GSTCD: variants seen among roughly 807,000 people sequenced by gnomAD.
GSTCD encodes the protein glutathione S-transferase C-terminal domain-containing protein.
In GSTCD, 44 loss-of-function variants were observed where a neutral mutation model predicts 68.3. That is an observed-to-expected ratio of 0.64 (90% CI 0.51 to 0.83). The LOEUF is 0.83. Among genes scored for constraint, GSTCD ranks in the 40% least tolerant of loss-of-function variants. GSTCD has a pLI of 0.00. For synonymous variants in GSTCD, 273 were observed against 255.2 expected, an observed-to-expected ratio of 1.07 and a Z score of -0.67; for missense variants, 739 against 735.9, an observed-to-expected ratio of 1.00 and a Z score of -0.05.
chr4:105,822,656 TC>T lies in GSTCD; in HGVS notation c.1241-296del, dbSNP rs1326884124. Among the ~76,000 whole-genome samples, 8 of 152,116 alleles carry T rather than the reference TC, an allele frequency of 5.3e-5. No homozygotes were observed. In the South Asian group the frequency reaches 1.4e-3, roughly 28 times the overall value. ...TAAACTTAGTGTTTCAGTTATTGTT[TC>T]CATGCTTTAAAAGACATATTGTTCC... On this transcript the variant is annotated intron_variant, in intron 5 of 11. Transcript: ENST00000515279.
At chr4:105,723,209 A>G (rs964380612) in intron 3 of GSTCD, among the ~76,000 whole-genome samples, 22 of 151,930 alleles carry the variant, frequency 1.4e-4, no homozygotes, top group African/African-American at 4.8e-4. Flanking sequence ...CTTAGCACCT[A>G]ATCTATTTCC....
intron 10 of GSTCD, 84 bp from the exon 11 acceptor site, chr4:105,841,981 T>C: frequency 1.1e-6 from 1 of 930,364 alleles, no homozygotes; most frequent in East Asian, 2.5e-5. Flanking sequence ...TCCAGAAAAA[T>C]GAGGTAGTTT....
intron 5 of GSTCD, among the ~76,000 whole-genome samples, chr4:105,783,543 T>C (rs1735356503): frequency 6.6e-6 from 1 of 152,138 alleles, no homozygotes; most frequent in South Asian, 2.1e-4. Context: ...TCATTCATGC[T>C]CCAGTTCTTT....
At chr4:105,744,420 G>A (rs1733735327) in intron 5 of GSTCD, among the ~76,000 whole-genome samples, 1 of 152,170 alleles carries the variant, frequency 6.6e-6, no homozygotes, top group Non-Finnish European at 1.5e-5. Context: ...TCTTGCCTAT[G>A]ATAGTTACAA....
At position 105,800,718 on chromosome 4, in the gene GSTCD, C is replaced by G. The variant is rs1455411996; in HGVS notation, c.1241-22236C>G. Among the ~76,000 whole-genome samples the G allele has an allele frequency of 2.0e-5, 3 of 152,182 alleles. No homozygotes were observed. The East Asian group carries it at 5.8e-4, about 29-fold the overall frequency. ...TAGTTGCCCAATAATATGGTCAATTCTCATTATTCGTAGTAGTTATGTTTT... is the reference window on the plus strand; with the variant it reads ...TAGTTGCCCAATAATATGGTCAATTGTCATTATTCGTAGTAGTTATGTTTT... On this transcript the variant is annotated intron_variant, in intron 5 of 11. Coordinates refer to ENST00000515279, the MANE Select transcript of GSTCD (RefSeq NM_001370181.1).
intron 8 of GSTCD, among the ~76,000 whole-genome samples, chr4:105,830,219 G>T (rs1723838651): frequency 6.6e-6 from 1 of 152,094 alleles, no homozygotes; most frequent in African/African-American, 2.4e-5. Context: ...AGGGTGAACA[G>T]ATTTTCCCAA....
At chr4:105,730,839 T>A (rs902681797) in intron 5 of GSTCD, among the ~76,000 whole-genome samples, 3 of 152,206 alleles carry the variant, frequency 2.0e-5, no homozygotes, top group Non-Finnish European at 4.4e-5. Context: ...CTGAATGGTA[T>A]TGCCTAGGTT....
intron 5 of GSTCD, among the ~76,000 whole-genome samples, chr4:105,762,925 G>A (rs1210101326): frequency 1.3e-5 from 2 of 152,118 alleles, no homozygotes; most frequent in Non-Finnish European, 2.9e-5. Context: ...CAAGCACAAT[G>A]TATCTCACTT....
Position 105,845,653 on chromosome 4 carries a change from C to A in GSTCD, c.*76C>A. 1.3e-6 allele frequency: 2 copies of A among 1,486,780 alleles called. No homozygotes were observed. Among genetic ancestry groups the A allele is most frequent in the Non-Finnish European group, 1.9e-6 (2 of 1,074,194 alleles). The allele number at this position is 1,486,780 out of a possible 1,614,324, so 92.1% of individuals were successfully genotyped here. On this transcript the variant is annotated 3_prime_UTR_variant, in exon 12 of 12. Coordinates refer to ENST00000515279, the MANE Select transcript of GSTCD (RefSeq NM_001370181.1). ...CCAGTGGCATTCAGGAGGTTCTTGGCATAACTAGGAAACAGCATTAGCCAT... is the reference window on the plus strand; with the variant it reads ...CCAGTGGCATTCAGGAGGTTCTTGGAATAACTAGGAAACAGCATTAGCCAT...
At chr4:105,759,702 C>T (rs976217226) in intron 5 of GSTCD, among the ~76,000 whole-genome samples, 2 of 151,896 alleles carry the variant, frequency 1.3e-5, no homozygotes, top group African/African-American at 2.4e-5. Flanking sequence ...TGAATGTGAC[C>T]ACCATGAGTC....
At chr4:105,719,672 G>A (rs544536080) in intron 3 of GSTCD, 145 bp downstream of exon 3, 1 of 644,872 alleles carries the variant, frequency 1.6e-6, no homozygotes, top group East Asian at 2.8e-5. Context: ...TCTGTAAAAT[G>A]GTGATAATAA....
intron 5 of GSTCD, among the ~76,000 whole-genome samples, chr4:105,735,351 T>G (rs1405269450): frequency 2.0e-5 from 3 of 152,166 alleles, no homozygotes; most frequent in Admixed American, 1.3e-4. Context: ...CCGCTTTGTT[T>G]ACCTACTCAA....
Position 105,750,667 on chromosome 4 carries a change from A to G in GSTCD, c.1240+21168A>G, listed in dbSNP as rs181407900. 2.5e-4 allele frequency among the ~76,000 whole-genome samples: 38 copies of G among 152,212 alleles called. 1 individual carries two copies. The East Asian group carries it at 4.8e-3, about 19-fold the overall frequency. On this transcript the variant is annotated intron_variant, in intron 5 of 11. Coordinates refer to ENST00000515279, the MANE Select transcript of GSTCD (RefSeq NM_001370181.1). Reference sequence around the variant, plus strand: ...GGGGATTCATTCCAGAAAAATAACAACTTATATTAACATGAAAATCTGCAC... The same window carrying G: ...GGGGATTCATTCCAGAAAAATAACAGCTTATATTAACATGAAAATCTGCAC...
chr4:105,723,543 G>A (rs189356424), intron 3 of GSTCD, among the ~76,000 whole-genome samples: 9 of 151,852 alleles, frequency 5.9e-5, no homozygotes, highest in Admixed American at 1.3e-4. Context: ...ATGTGTATAG[G>A]TTATATGCAA....
At chr4:105,814,225 T>C (rs1722874348) in intron 5 of GSTCD, among the ~76,000 whole-genome samples, 1 of 152,208 alleles carries the variant, frequency 6.6e-6, no homozygotes, top group African/African-American at 2.4e-5. Flanking sequence ...GGATAAGATA[T>C]GGTCACCCAC....
intron 1 of GSTCD, chr4:105,709,274 A>T (rs1392279773): frequency 6.6e-6 from 1 of 152,152 alleles, no homozygotes; most frequent in Non-Finnish European, 1.5e-5. Context: ...CCAGTCCCTC[A>T]TGTCTTCCTC....
chr4:105,759,112 A>G (rs1274541107), intron 5 of GSTCD, among the ~76,000 whole-genome samples: 1 of 152,110 alleles, frequency 6.6e-6, no homozygotes, highest in Non-Finnish European at 1.5e-5. Context: ...TTTTAGTTCC[A>G]CTTTGTATAC....
In GSTCD at chr4:105,719,209, T is replaced by A; in HGVS notation, c.576T>A (p.Asp192Glu). 6.2e-7 allele frequency: 1 copy of A among 1,614,052 alleles called. No homozygotes were observed. The highest frequency in any genetic ancestry group is 2.2e-5 in the East Asian group (1 of 44,868). Residue 192 changes from aspartate (D) to glutamate (E), a missense_variant, in exon 3 of 12, where the codon GAT becomes GAA. Asp to Glu is a conservative substitution (Grantham distance 45). Coordinates refer to ENST00000515279, the MANE Select transcript of GSTCD (RefSeq NM_001370181.1). ...KLSEPVRVHN[D>E]DKLRRQKLKQ... ...GTGAGCCTGTTAGAGTGCATAATGATGATAAACTCCGCAGGCAGAAGCTCA... is the reference window on the plus strand; with the variant it reads ...GTGAGCCTGTTAGAGTGCATAATGAAGATAAACTCCGCAGGCAGAAGCTCA...
At chr4:105,835,025 TTTC>T (rs1179535775) in intron 9 of GSTCD, among the ~76,000 whole-genome samples, 1 of 152,238 alleles carries the variant, frequency 6.6e-6, no homozygotes, top group Non-Finnish European at 1.5e-5. Context: ...TTGCCTTAGT[TTTC>T]TTGTCTACAA....
Sources: allele counts gnomAD v4.1 joint callset (sites outside exome capture counted in the v4.1 genomes callset), GRCh38; gene constraint gnomAD v4.1.1; transcripts MANE v1.5; gene names NCBI Gene and HGNC (gene_info 2026-07-23, HGNC 2026-07-21).